The following DPYD variants were observed in gnomAD, a reference collection of about 807,000 sequenced individuals.
DPYD encodes the protein dihydropyrimidine dehydrogenase [NADP(+)].
In DPYD, 109 loss-of-function variants were observed where a neutral mutation model predicts 116.2. The observed-to-expected ratio is 0.94, with a 90% CI of 0.80 to 1.10. The LOEUF is 1.10. DPYD is among the 50% of genes least tolerant of loss of function. The probability of loss-of-function intolerance (pLI) is 0.00; values close to 1 mark genes in which losing one functional copy is unlikely to be tolerated. For synonymous variants in DPYD, 440 were observed against 432.0 expected, an observed-to-expected ratio of 1.02 and a Z score of -0.23; for missense variants, 1,302 against 1,254.5, an observed-to-expected ratio of 1.04 and a Z score of -0.57.
intron 20 of DPYD, among the ~76,000 whole-genome samples, chr1:97,190,518 C>T (rs1054591098): frequency 1.3e-5 from 2 of 152,144 alleles, no homozygotes; most frequent in African/African-American, 4.8e-5. Flanking sequence ...TTGACATCAA[C>T]AGCTCTGTGT....
chr1:97,861,108 T>C (rs945523730), intron 2 of DPYD, among the ~76,000 whole-genome samples: 1 of 151,984 alleles, frequency 6.6e-6, no homozygotes, highest in Non-Finnish European at 1.5e-5. Flanking sequence ...CAATTTGAGA[T>C]CATTTCTCAA....
intron 1 of DPYD, among the ~76,000 whole-genome samples, chr1:97,917,154 G>A (rs1429613572): frequency 6.6e-6 from 1 of 152,122 alleles, no homozygotes; most frequent in Non-Finnish European, 1.5e-5. Context: ...GATCTGCAGT[G>A]CCCAGTCAAT....
intron 19 of DPYD, among the ~76,000 whole-genome samples, chr1:97,217,405 T>G (rs1292178870): frequency 6.6e-6 from 1 of 152,162 alleles, no homozygotes; most frequent in Non-Finnish European, 1.5e-5. Context: ...GACAGTAATT[T>G]CCTTCACTAC....
chr1:97,180,617 AT>A (rs1250411037), intron 20 of DPYD, among the ~76,000 whole-genome samples: 4 of 152,038 alleles, frequency 2.6e-5, no homozygotes, highest in African/African-American at 9.6e-5. Flanking sequence ...AACAATCCTC[AT>A]TTTTTTTCAT....
At chr1:97,211,506 T>C (rs995156037) in intron 19 of DPYD, among the ~76,000 whole-genome samples, 1 of 152,192 alleles carries the variant, frequency 6.6e-6, no homozygotes, top group African/African-American at 2.4e-5. Flanking sequence ...TAATACACTG[T>C]TTGATAATAT....
At chr1:97,885,957 G>T (rs553011210) in intron 1 of DPYD, among the ~76,000 whole-genome samples, 1 of 69,360 alleles carries the variant, frequency 1.4e-5, no homozygotes, top group Non-Finnish European at 3.7e-5. Context: ...ACCATTAAGA[G>T]GTCACCTCTG....
At chr1:97,775,734 G>A (rs987312023) in intron 3 of DPYD, among the ~76,000 whole-genome samples, 1 of 152,116 alleles carries the variant, frequency 6.6e-6, no homozygotes, top group Admixed American at 6.6e-5. Context: ...GAGAGCAGGT[G>A]CAATGTTTGC....
At chr1:97,487,485 A>G (rs1178085563) in intron 13 of DPYD, among the ~76,000 whole-genome samples, 1 of 152,102 alleles carries the variant, frequency 6.6e-6, no homozygotes, top group African/African-American at 2.4e-5. Flanking sequence ...CATCCTGGCT[A>G]ACACGGTGAA....
intron 13 of DPYD, among the ~76,000 whole-genome samples, chr1:97,492,718 G>A (rs1351197666): frequency 1.3e-5 from 2 of 151,922 alleles, no homozygotes; most frequent in African/African-American, 2.4e-5. Context: ...CAATCCTGAA[G>A]ATAATAAACA....
chr1:97,507,411 T>C (rs1647423196), intron 13 of DPYD, among the ~76,000 whole-genome samples: 1 of 151,528 alleles, frequency 6.6e-6, no homozygotes, highest in Non-Finnish European at 1.5e-5. Context: ...GCTAGAACTA[T>C]AGCAGCAAAA....
chr1:97,258,558 C>T (rs370316016), intron 18 of DPYD, among the ~76,000 whole-genome samples: 2 of 152,088 alleles, frequency 1.3e-5, no homozygotes, highest in East Asian at 3.9e-4. Context: ...GTCTATTTCC[C>T]AAGATCAACT....
At chr1:97,794,862 T>A (rs1667489062) in intron 3 of DPYD, among the ~76,000 whole-genome samples, 1 of 152,204 alleles carries the variant, frequency 6.6e-6, no homozygotes, top group South Asian at 2.1e-4. Context: ...TAGTACTGTA[T>A]AATTTTTATG....
chr1:97,736,595 C>T (rs545414058), intron 4 of DPYD, among the ~76,000 whole-genome samples: 2 of 152,066 alleles, frequency 1.3e-5, no homozygotes, highest in East Asian at 1.9e-4. Context: ...CGTCTTGTAA[C>T]GTGGAAAGAG....
chr1:97,145,740 T>A (rs992209344), intron 20 of DPYD, among the ~76,000 whole-genome samples: 1 of 119,562 alleles, frequency 8.4e-6, no homozygotes, highest in Non-Finnish European at 1.7e-5. Flanking sequence ...AAGAATTGTG[T>A]GGGTTTTTTT....
chr1:97,579,611 G>A (rs1369202879), intron 10 of DPYD, among the ~76,000 whole-genome samples: 2 of 152,216 alleles, frequency 1.3e-5, no homozygotes, highest in African/African-American at 4.8e-5. Context: ...GTCAGTGTTA[G>A]TGCCTTTTAA....
intron 16 of DPYD, among the ~76,000 whole-genome samples, chr1:97,340,363 A>C (rs574139486): frequency 4.0e-4 from 61 of 152,292 alleles, no homozygotes; most frequent in African/African-American, 1.4e-3. Flanking sequence ...GAAAAGACAT[A>C]TAGGGAAAAA....
chr1:97,175,282 C>T (rs1657164431), intron 20 of DPYD, among the ~76,000 whole-genome samples: 7 of 151,834 alleles, frequency 4.6e-5, no homozygotes, highest in Admixed American at 4.6e-4. Context: ...ACTTTCTAAT[C>T]TCACCTAAGC....
chr1:97,859,358 C>T (rs767651762), intron 2 of DPYD, among the ~76,000 whole-genome samples: 1 of 152,134 alleles, frequency 6.6e-6, no homozygotes, highest in Non-Finnish European at 1.5e-5. Flanking sequence ...AATGATCAAC[C>T]TGGAGATTCA....
intron 2 of DPYD, among the ~76,000 whole-genome samples, chr1:97,866,499 T>G (rs1313195833): frequency 1.3e-5 from 2 of 151,942 alleles, no homozygotes; most frequent in Admixed American, 6.6e-5. Context: ...CTTTGTTTCA[T>G]TCATTTAAGT....
Sources: allele counts gnomAD v4.1 joint callset (sites outside exome capture counted in the v4.1 genomes callset), GRCh38; gene constraint gnomAD v4.1.1; transcripts MANE v1.5; gene names NCBI Gene and HGNC (gene_info 2026-07-23, HGNC 2026-07-21).